The following RAC1 variants were observed in gnomAD, a reference collection of about 807,000 sequenced individuals.
RAC1 encodes Rac family small GTPase 1.
Under a neutral mutation model 25.2 loss-of-function variants are expected in RAC1, and 2 were observed. That is an observed-to-expected ratio of 0.08 (90% confidence interval 0.03 to 0.25). RAC1 has a LOEUF of 0.25. Among genes scored for constraint, RAC1 ranks in the 10% least tolerant of loss-of-function variants. The probability of loss-of-function intolerance (pLI) is 1.00; values close to 1 mark genes in which losing one functional copy is unlikely to be tolerated. For missense variants in RAC1, 50 were observed against 235.7 expected, an observed-to-expected ratio of 0.21 and a Z score of 5.16; for synonymous variants, 88 against 94.0, an observed-to-expected ratio of 0.94 and a Z score of 0.37.
chr7:6,398,676 CG>C, intron 3 of RAC1: 1 of 1,613,806 alleles, frequency 6.2e-7, no homozygotes. Flanking sequence ...GAGAAACGTA[CG>C]GTAAGGATAT....
intron 4 of RAC1, among the ~76,000 whole-genome samples, chr7:6,401,144 C>CG (rs1783389743): frequency 1.3e-5 from 2 of 151,652 alleles, no homozygotes; most frequent in South Asian, 2.1e-4. Flanking sequence ...TTAGTAGAGA[C>CG]GGGGTTTCAC....
chr7:6,376,428 C>T (rs1782596494), intron 1 of RAC1, among the ~76,000 whole-genome samples: 3 of 151,698 alleles, frequency 2.0e-5, no homozygotes, highest in Admixed American at 1.3e-4. Flanking sequence ...AGGTGATCCA[C>T]CCGCCTGGGT....
intron 5 of RAC1, 137 bp downstream of exon 5, chr7:6,402,164 C>A: frequency 1.4e-6 from 2 of 1,443,054 alleles, no homozygotes; most frequent in Non-Finnish European, 1.9e-6. Flanking sequence ...GCTGGCAAGG[C>A]CCTGTGGGTC....
At chr7:6,387,060 G>C in intron 1 of RAC1, 152 bp from the exon 2 acceptor site, 1 of 548,442 alleles carries the variant, frequency 1.8e-6, no homozygotes, top group Non-Finnish European at 3.2e-6. Context: ...TGTGTATGTG[G>C]TGATAAAGGG....
chr7:6,393,024 G>A (rs750953588), intron 3 of RAC1, among the ~76,000 whole-genome samples: 13 of 152,174 alleles, frequency 8.5e-5, no homozygotes, highest in Non-Finnish European at 8.8e-5. Flanking sequence ...TGCTTTCCAC[G>A]TTGTGCCCAA....
chr7:6,378,567 CAG>C (rs1356832087), intron 1 of RAC1, among the ~76,000 whole-genome samples: 8 of 151,846 alleles, frequency 5.3e-5, no homozygotes, highest in Non-Finnish European at 1.2e-4. Flanking sequence ...GAAAAAAAGT[CAG>C]AAATAATTTG....
At chr7:6,402,077 GA>G in intron 5 of RAC1, 50 bp downstream of exon 5, 1 of 1,577,186 alleles carries the variant, frequency 6.3e-7, no homozygotes, top group Non-Finnish European at 8.6e-7. Flanking sequence ...TTATTGTAGT[GA>G]CAGAGACTGG....
At position 6,402,653 on chromosome 7, in the gene RAC1, G is replaced by C. The variant is rs1356737276; in HGVS notation, c.*207G>C. On this transcript the variant is annotated 3_prime_UTR_variant, in exon 6 of 6. Transcript: ENST00000348035. The stretch of plus-strand genomic sequence containing the variant: ...GGTTTTGTTTGTTCTAAATGTAAGA[G>C]TTCAGACTCACATTCTATTAAAATT... 2 of 446,640 alleles carry C rather than the reference G, an allele frequency of 4.5e-6. No homozygotes were observed. The highest frequency in any genetic ancestry group is 4.1e-5 in the African/African-American group (2 of 49,344). The allele number at this position is 446,640 out of a possible 1,614,324, so 27.7% of individuals were successfully genotyped here. A position where few individuals can be genotyped will look rare whatever the true frequency, so the allele number is the denominator to read the frequency against.
At chr7:6,388,679 C>A (rs146863478) in intron 2 of RAC1, among the ~76,000 whole-genome samples, 2 of 151,980 alleles carry the variant, frequency 1.3e-5, no homozygotes, top group African/African-American at 4.8e-5. Flanking sequence ...CCCTGTTGTC[C>A]TAAATTTATG....
chr7:6,395,760 C>G (rs1436815145), intron 3 of RAC1, among the ~76,000 whole-genome samples: 2 of 151,278 alleles, frequency 1.3e-5, no homozygotes, highest in Non-Finnish European at 3.0e-5. Context: ...CTGCCTGACC[C>G]TTTTACAGGA....
chr7:6,377,321 C>G (rs1180520019), intron 1 of RAC1, among the ~76,000 whole-genome samples: 2 of 151,926 alleles, frequency 1.3e-5, no homozygotes, highest in African/African-American at 2.4e-5. Flanking sequence ...CTGGCCAGGT[C>G]AGGTGGCTCA....
At chr7:6,379,639 A>G (rs991237946) in intron 1 of RAC1, among the ~76,000 whole-genome samples, 2 of 152,192 alleles carry the variant, frequency 1.3e-5, no homozygotes, top group African/African-American at 4.8e-5. Context: ...CGAACTCCTG[A>G]CCTTAGGCGA....
intron 3 of RAC1, among the ~76,000 whole-genome samples, chr7:6,393,593 G>T (rs938841446): frequency 2.6e-5 from 4 of 152,176 alleles, no homozygotes; most frequent in Non-Finnish European, 5.9e-5. Flanking sequence ...AGAGTGTGAC[G>T]CCTGGTATCA....
chr7:6,388,595 C>T (rs1782993345), intron 2 of RAC1, among the ~76,000 whole-genome samples: 1 of 152,060 alleles, frequency 6.6e-6, no homozygotes, highest in Non-Finnish European at 1.5e-5. Context: ...CTGCCCACTT[C>T]AGCCTCCCAA....
intron 3 of RAC1, among the ~76,000 whole-genome samples, chr7:6,398,414 T>A (rs1405511566): frequency 6.6e-6 from 1 of 152,184 alleles, no homozygotes; most frequent in Non-Finnish European, 1.5e-5. Flanking sequence ...AGCACGTTGT[T>A]GCCCCCCCTC....
At chr7:6,387,024 G>A (rs1199840785) in intron 1 of RAC1, among the ~76,000 whole-genome samples, 188 bp from the exon 2 acceptor site, 1 of 152,038 alleles carries the variant, frequency 6.6e-6, no homozygotes, top group Non-Finnish European at 1.5e-5. Context: ...ATTCTAGTTT[G>A]TTTACTTTAA....
In RAC1 at chr7:6,402,469, G is replaced by C. The variant is rs555136675; in HGVS notation, c.*23G>C. The C allele has an allele frequency of 1.7e-6, 2 of 1,203,462 alleles. No individual in the cohort carries two copies. The highest frequency in any genetic ancestry group is 1.0e-4 in the East Asian group (2 of 20,000). The allele number at this position is 1,203,462 out of a possible 1,614,324, so 74.5% of individuals were successfully genotyped here. A position where few individuals can be genotyped will look rare whatever the true frequency, so the allele number is the denominator to read the frequency against. On this transcript the variant is annotated 3_prime_UTR_variant, in exon 6 of 6. Coordinates refer to ENST00000348035, the MANE Select transcript of RAC1 (RefSeq NM_006908.5). ...TAAATGTCTCAGCCCCTCGTTCTTG[G>C]TCCTGTCCCTTGGAACCTTTGTACG...
chr7:6,375,682 T>A (rs35057107), intron 1 of RAC1, among the ~76,000 whole-genome samples: 21,760 of 151,046 alleles, frequency 0.14, 1,779 homozygotes, highest in Admixed American at 0.21. Flanking sequence ...TTTTTTTTTT[T>A]AAACAACGTG....
chr7:6,379,451 T>G (rs1782703043), intron 1 of RAC1, among the ~76,000 whole-genome samples: 1 of 152,046 alleles, frequency 6.6e-6, no homozygotes, highest in African/African-American at 2.4e-5. Flanking sequence ...TTTCGTATTT[T>G]TAATAGAGAC....
Sources: gnomAD v4.1 joint callset for allele counts (sites outside exome capture counted in the v4.1 genomes callset) on GRCh38, gnomAD v4.1.1 for gene constraint, MANE v1.5 for transcripts, NCBI Gene and HGNC (gene_info 2026-07-23, HGNC 2026-07-21) for gene names.